LUZP2: variants seen among roughly 807,000 people sequenced by gnomAD.
The protein encoded by LUZP2 is leucine zipper protein 2.
Under a neutral mutation model 51.6 loss-of-function variants are expected in LUZP2, and 52 were observed. That is an observed-to-expected ratio of 1.01 (90% CI 0.81 to 1.27). The LOEUF (loss-of-function observed/expected upper bound fraction) is 1.27. Among genes scored for constraint, LUZP2 ranks in the 50% most tolerant of loss-of-function variants. The probability of loss-of-function intolerance (pLI) is 0.00; values close to 1 mark genes in which losing one functional copy is unlikely to be tolerated. For synonymous variants in LUZP2, 154 were observed against 137.3 expected (o/e 1.12, Z -0.85); for missense variants, 436 against 395.4 (o/e 1.10, Z -0.87).
chr11:24,835,790 A>C (rs1590616958), intron 5 of LUZP2, among the ~76,000 whole-genome samples: 1 of 152,158 alleles, frequency 6.6e-6, no homozygotes, highest in Non-Finnish European at 1.5e-5. Flanking sequence ...TAATTCCTTA[A>C]TATAGAACAT....
At position 24,986,208 on chromosome 11, in the gene LUZP2, C is replaced by T. The variant is rs1341432319; in HGVS notation, c.765+2915C>T. ...TTGCAAAAGTTGACTGTTAAATTTA[C>T]AGAATTTGTACTATTCAACTGTTAA... is the stretch of plus-strand genomic sequence containing the variant. On this transcript the variant is annotated intron_variant, in intron 9 of 11. Coordinates refer to ENST00000336930, the MANE Select transcript of LUZP2 (RefSeq NM_001009909.4). Among the ~76,000 whole-genome samples, 4 of 151,526 alleles carry T rather than the reference C, an allele frequency of 2.6e-5. No individual in the cohort carries two copies. In the South Asian group the frequency reaches 8.3e-4, roughly 31 times the overall value.
chr11:24,517,524 A>G (rs7479577), intron 1 of LUZP2, among the ~76,000 whole-genome samples: 29,869 of 138,208 alleles, frequency 0.22, 4,847 homozygotes, highest in African/African-American at 0.43. Flanking sequence ...TTGTAGGTAC[A>G]TATTAAATTT....
intron 5 of LUZP2, among the ~76,000 whole-genome samples, chr11:24,814,836 C>CA (rs1336340566): frequency 4.0e-5 from 6 of 151,836 alleles, no homozygotes; most frequent in Non-Finnish European, 8.8e-5. Context: ...ACTAAAAATA[C>CA]AAAAAATTAG....
At chr11:24,757,956 G>T (rs1859835097) in intron 4 of LUZP2, among the ~76,000 whole-genome samples, 1 of 151,994 alleles carries the variant, frequency 6.6e-6, no homozygotes, top group Admixed American at 6.6e-5. Flanking sequence ...TCTGAAGAAG[G>T]ATTTTAATGA....
chr11:24,739,012 G>A (rs888333360), intron 4 of LUZP2, among the ~76,000 whole-genome samples: 2 of 152,022 alleles, frequency 1.3e-5, no homozygotes, highest in Admixed American at 1.3e-4. Context: ...AAAATATAGT[G>A]TGTTAATTGA....
At chr11:24,972,152 A>AC (rs1855757427) in intron 7 of LUZP2, among the ~76,000 whole-genome samples, 1 of 151,242 alleles carries the variant, frequency 6.6e-6, no homozygotes, top group Non-Finnish European at 1.5e-5. Context: ...AAAAAAAAAA[A>AC]AAAAAAAAAA....
intron 4 of LUZP2, among the ~76,000 whole-genome samples, chr11:24,762,395 A>G (rs1429147876): frequency 6.6e-6 from 1 of 152,242 alleles, no homozygotes; most frequent in Non-Finnish European, 1.5e-5. Context: ...AATGTAAATT[A>G]TGTCATGAAT....
intron 1 of LUZP2, among the ~76,000 whole-genome samples, chr11:24,659,241 A>AT (rs1275460322): frequency 1.3e-5 from 2 of 152,256 alleles, no homozygotes; most frequent in Non-Finnish European, 2.9e-5. Context: ...CTATGCAGCC[A>AT]TAAAAAATGA....
At chr11:24,942,160 C>T (rs1330620515) in intron 7 of LUZP2, among the ~76,000 whole-genome samples, 1 of 152,104 alleles carries the variant, frequency 6.6e-6, no homozygotes, top group Non-Finnish European at 1.5e-5. Flanking sequence ...ATTATAAATA[C>T]TGCTGCTATG....
intron 1 of LUZP2, among the ~76,000 whole-genome samples, chr11:24,515,033 T>C (rs1010587321): frequency 1.3e-5 from 2 of 152,168 alleles, no homozygotes; most frequent in African/African-American, 4.8e-5. Flanking sequence ...TTTGAGCTCT[T>C]AATGCTTGCA....
intron 5 of LUZP2, among the ~76,000 whole-genome samples, chr11:24,882,287 A>G (rs2134297119): frequency 6.6e-6 from 1 of 152,076 alleles, no homozygotes; most frequent in East Asian, 1.9e-4. Flanking sequence ...ATTTTTAGTA[A>G]TCTTTTTAAA....
intron 11 of LUZP2, 142 bp from the exon 12 acceptor site, chr11:25,078,412 C>G (rs947963949): frequency 3.3e-6 from 2 of 603,612 alleles, no homozygotes; most frequent in African/African-American, 1.9e-5. Context: ...ACATTTGTTT[C>G]ATTTCTGTCC....
At chr11:24,795,598 C>T (rs1449777717) in intron 5 of LUZP2, among the ~76,000 whole-genome samples, 1 of 152,072 alleles carries the variant, frequency 6.6e-6, no homozygotes, top group Non-Finnish European at 1.5e-5. Context: ...ACAAATCTCA[C>T]AACTAAACCA....
intron 5 of LUZP2, among the ~76,000 whole-genome samples, chr11:24,814,085 A>T (rs1850100945): frequency 6.6e-6 from 1 of 152,240 alleles, no homozygotes; most frequent in East Asian, 1.9e-4. Context: ...TTCCAATTCA[A>T]CATTTTGTAA....
intron 7 of LUZP2, among the ~76,000 whole-genome samples, chr11:24,969,186 A>G (rs1484966059): frequency 3.3e-5 from 5 of 151,872 alleles, no homozygotes; most frequent in Admixed American, 1.3e-4. Flanking sequence ...AGTAGACTCT[A>G]GTGTCTGTTG....
chr11:24,502,220 G>T (rs1850016229), intron 1 of LUZP2, among the ~76,000 whole-genome samples: 1 of 139,426 alleles, frequency 7.2e-6, no homozygotes. Flanking sequence ...GGCCATAGCA[G>T]AAAAAAGAAA....
chr11:24,692,265 C>T (rs1590354662), intron 1 of LUZP2, among the ~76,000 whole-genome samples: 1 of 152,046 alleles, frequency 6.6e-6, no homozygotes, highest in Non-Finnish European at 1.5e-5. Flanking sequence ...ATGGCCCCAA[C>T]TCATCCTATG....
chr11:24,747,290 G>C (rs999467506), intron 4 of LUZP2, among the ~76,000 whole-genome samples: 1 of 152,086 alleles, frequency 6.6e-6, no homozygotes, highest in East Asian at 1.9e-4. Flanking sequence ...ATTCCTGTGA[G>C]CCTAGCTGCA....
chr11:24,879,896 T>C (rs753864640), intron 5 of LUZP2, among the ~76,000 whole-genome samples: 6 of 152,152 alleles, frequency 3.9e-5, no homozygotes, highest in Admixed American at 6.5e-5. Flanking sequence ...TCTTTTCAGC[T>C]CCTGAAGTGT....
Sources: allele counts gnomAD v4.1 joint callset (sites outside exome capture counted in the v4.1 genomes callset), GRCh38; gene constraint gnomAD v4.1.1; transcripts MANE v1.5; gene names NCBI Gene and HGNC (gene_info 2026-07-23, HGNC 2026-07-21).